The following TRPM3 variants were observed in gnomAD, a reference collection of about 807,000 sequenced individuals.
The protein encoded by TRPM3 is long transient receptor potential channel 3.
In TRPM3, 77 loss-of-function variants were observed where a neutral mutation model predicts 181.2. The ratio of observed to expected loss-of-function variants is 0.42; its 90% CI spans 0.35 to 0.51. The LOEUF is 0.51. TRPM3 is among the 20% of genes least tolerant of loss of function. The probability of loss-of-function intolerance (pLI) is 0.01; values close to 1 mark genes in which losing one functional copy is unlikely to be tolerated. For synonymous variants in TRPM3, 745 were observed against 796.4 expected (o/e 0.94, Z 1.09); for missense variants, 1,759 against 2,196.7 (o/e 0.80, Z 3.98).
At chr9:70,547,553 A>C (rs1352643537) in intron 25 of TRPM3, among the ~76,000 whole-genome samples, 6 of 136,730 alleles carry the variant, frequency 4.4e-5, no homozygotes, top group African/African-American at 1.4e-4. Context: ...AAAAAAAAAA[A>C]CCCAACAACA....
intron 1 of TRPM3, among the ~76,000 whole-genome samples, chr9:70,875,855 G>T (rs1048209842): frequency 3.3e-5 from 5 of 151,784 alleles, no homozygotes; most frequent in African/African-American, 1.2e-4. Context: ...ATAAGTGTAA[G>T]GTTATTTCTA....
intron 7 of TRPM3, among the ~76,000 whole-genome samples, chr9:70,768,440 T>G (rs189768795): frequency 6.6e-6 from 1 of 152,252 alleles, no homozygotes; most frequent in Admixed American, 6.5e-5. Context: ...CAGTAATATG[T>G]GTGTATGCTT....
chr9:71,420,050 T>C (rs902579367), intron 1 of TRPM3, among the ~76,000 whole-genome samples: 1 of 152,038 alleles, frequency 6.6e-6, no homozygotes, highest in African/African-American at 2.4e-5. Context: ...ATTTAAAGTT[T>C]TCTGTTATAC....
At chr9:70,620,434 G>T in intron 15 of TRPM3, 69 bp from the exon 16 acceptor site, 4 of 1,495,060 alleles carry the variant, frequency 2.7e-6, no homozygotes, top group Non-Finnish European at 3.6e-6. Context: ...AGTAGCAGTT[G>T]TATATCTTCT....
At chr9:70,925,446 G>A (rs1401562057) in intron 1 of TRPM3, among the ~76,000 whole-genome samples, 1 of 151,940 alleles carries the variant, frequency 6.6e-6, no homozygotes, top group African/African-American at 2.4e-5. Flanking sequence ...CTTAAACAAG[G>A]TAGATATAAA....
At chr9:70,817,576 G>A (rs2092810337) in intron 6 of TRPM3, among the ~76,000 whole-genome samples, 2 of 152,214 alleles carry the variant, frequency 1.3e-5, no homozygotes, top group Admixed American at 1.3e-4. Flanking sequence ...ATTCAGCGGG[G>A]AAAGTGTCAT....
At chr9:70,848,721 T>G (rs2095092284) in intron 3 of TRPM3, among the ~76,000 whole-genome samples, 1 of 28,800 alleles carries the variant, frequency 3.5e-5, no homozygotes, top group African/African-American at 1.4e-4. Flanking sequence ...CTCACGCCTG[T>G]AATCCCAGCA....
At chr9:71,356,226 T>C (rs1224826649) in intron 1 of TRPM3, among the ~76,000 whole-genome samples, 1 of 152,160 alleles carries the variant, frequency 6.6e-6, no homozygotes, top group Non-Finnish European at 1.5e-5. Context: ...CAGGGGTACA[T>C]GTGCAGGTTT....
In TRPM3 at chr9:71,297,273, T is replaced by C. The variant is rs542960053; in HGVS notation, c.183+149380A>G. ...ATAGTGGTATTTAATAGTATAATGGTTGTGAAGAACTCACGATATGCTGGG... is the reference window on the plus strand; with the variant it reads ...ATAGTGGTATTTAATAGTATAATGGCTGTGAAGAACTCACGATATGCTGGG... On this transcript the variant is annotated intron_variant, in intron 1 of 24. Transcript: ENST00000357533. Among the ~76,000 whole-genome samples, 6 of 152,290 alleles carry C rather than the reference T, an allele frequency of 3.9e-5. No homozygotes were observed. In the South Asian group the frequency reaches 1.0e-3, roughly 26 times the overall value.
intron 8 of TRPM3, among the ~76,000 whole-genome samples, chr9:70,691,535 G>A (rs1391590696): frequency 6.6e-6 from 1 of 152,080 alleles, no homozygotes; most frequent in Middle Eastern, 3.2e-3. Context: ...TGAACAACTT[G>A]GCAATTAGTG....
chr9:70,581,512 G>A (rs1457533127), intron 22 of TRPM3, among the ~76,000 whole-genome samples: 18 of 152,230 alleles, frequency 1.2e-4, no homozygotes, highest in Non-Finnish European at 1.5e-5. Context: ...TCACATCTGA[G>A]GAAAGGCAAC....
chr9:70,892,631 G>C (rs2096225394), intron 1 of TRPM3, among the ~76,000 whole-genome samples: 1 of 141,764 alleles, frequency 7.1e-6, no homozygotes, highest in African/African-American at 2.6e-5. Context: ...AAAAAAACTA[G>C]CCAATCTGCA....
chr9:70,922,075 C>T (rs1008237170), intron 1 of TRPM3, among the ~76,000 whole-genome samples: 6 of 152,100 alleles, frequency 3.9e-5, no homozygotes. Flanking sequence ...CATTCTCTTT[C>T]TAGGGTCTTG....
intron 1 of TRPM3, among the ~76,000 whole-genome samples, chr9:71,073,642 T>TA (rs140271875): frequency 2.8e-3 from 419 of 147,666 alleles, no homozygotes; most frequent in African/African-American, 6.7e-3. Flanking sequence ...AGATTATCAA[T>TA]AAAAAAAAAA....
At chr9:70,554,015 T>C (rs193174509) in intron 22 of TRPM3, among the ~76,000 whole-genome samples, 1 of 149,654 alleles carries the variant, frequency 6.7e-6, no homozygotes, top group African/African-American at 2.5e-5. Context: ...AAAGTGTGCT[T>C]TTCAGGGCAC....
intron 1 of TRPM3, among the ~76,000 whole-genome samples, chr9:70,914,673 G>C (rs1471407821): frequency 6.6e-6 from 1 of 152,206 alleles, no homozygotes; most frequent in Non-Finnish European, 1.5e-5. Context: ...CTTCAGGTCT[G>C]ACCCAGCACA....
intron 14 of TRPM3, among the ~76,000 whole-genome samples, chr9:70,624,884 TAG>T (rs1408488517): frequency 1.3e-5 from 2 of 152,250 alleles, no homozygotes; most frequent in Non-Finnish European, 2.9e-5. Flanking sequence ...TAAATATTTT[TAG>T]AGTCTCCATT....
At chr9:70,834,631 G>A (rs965273320) in intron 5 of TRPM3, among the ~76,000 whole-genome samples, 4 of 152,138 alleles carry the variant, frequency 2.6e-5, no homozygotes, top group Non-Finnish European at 4.4e-5. Flanking sequence ...ACTTACTCTG[G>A]GGGAAGCCAG....
intron 1 of TRPM3, among the ~76,000 whole-genome samples, chr9:71,164,510 A>G (rs1321194356): frequency 6.6e-6 from 1 of 152,102 alleles, no homozygotes; most frequent in Non-Finnish European, 1.5e-5. Flanking sequence ...AGACTGAAGG[A>G]AAAAATGGTT....
Sources: allele counts gnomAD v4.1 joint callset (sites outside exome capture counted in the v4.1 genomes callset), GRCh38; gene constraint gnomAD v4.1.1; transcripts MANE v1.5; gene names NCBI Gene and HGNC (gene_info 2026-07-23, HGNC 2026-07-21).